The following UVRAG variants were observed in gnomAD, a reference collection of about 807,000 sequenced individuals.
UVRAG encodes UV radiation resistance-associated gene protein.
Under a neutral mutation model 78.0 loss-of-function variants are expected in UVRAG, and 19 were observed. That is an observed-to-expected ratio of 0.24 (90% confidence interval 0.17 to 0.36). The LOEUF is 0.36. Ranked by LOEUF, UVRAG falls within the 10% of genes least tolerant of loss-of-function variation. The pLI, the probability that UVRAG is intolerant of heterozygous loss-of-function variation, is 1.00. For missense variants in UVRAG, 740 were observed against 853.8 expected, an observed-to-expected ratio of 0.87 and a Z score of 1.66; for synonymous variants, 323 against 324.6, an observed-to-expected ratio of 1.00 and a Z score of 0.05.
chr11:75,832,426 A>G (rs1945679070), intron 1 of UVRAG, among the ~76,000 whole-genome samples: 1 of 152,154 alleles, frequency 6.6e-6, no homozygotes. Context: ...TCAAGAAAAC[A>G]TTTTATGTAT....
chr11:75,962,931 A>T (rs1948936326), intron 7 of UVRAG, among the ~76,000 whole-genome samples: 1 of 152,194 alleles, frequency 6.6e-6, no homozygotes. Flanking sequence ...GAGCAAGGTA[A>T]CAGAATGTGT....
chr11:75,932,265 CTTTAT>C (rs1948256341), intron 6 of UVRAG, among the ~76,000 whole-genome samples: 2 of 149,566 alleles, frequency 1.3e-5, no homozygotes, highest in South Asian at 4.3e-4. Flanking sequence ...ATTATATGAT[CTTTAT>C]TTATTTATTT....
intron 3 of UVRAG, among the ~76,000 whole-genome samples, chr11:75,877,552 C>G (rs1462205767): frequency 1.4e-5 from 2 of 138,446 alleles, no homozygotes; most frequent in African/African-American, 5.6e-5. Flanking sequence ...GCTGGCCGGG[C>G]GGGGGGCTGA....
chr11:75,882,358 C>T (rs1462067072), intron 4 of UVRAG, among the ~76,000 whole-genome samples: 1 of 151,848 alleles, frequency 6.6e-6, no homozygotes, highest in Non-Finnish European at 1.5e-5. Context: ...ACTAAAAATA[C>T]AAAAATTAAC....
At position 76,136,140 on chromosome 11, in the gene UVRAG, C is replaced by T. The variant is rs116421068; in HGVS notation, c.1398-4571C>T. 2.4e-3 allele frequency among the ~76,000 whole-genome samples: 368 copies of T among 152,238 alleles called. 3 individuals are homozygous for T. Among genetic ancestry groups the T allele is most frequent in the African/African-American group, 8.5e-3 (353 of 41,540 alleles). ...GAACTATTATTTGCCTTTTCAATTC[C>T]TCCCTTTCTCTCTTTAGGCAAGAGT... On this transcript the variant is annotated intron_variant, in intron 14 of 14. Coordinates refer to ENST00000356136, the MANE Select transcript of UVRAG (RefSeq NM_003369.4).
intron 14 of UVRAG, among the ~76,000 whole-genome samples, chr11:76,134,869 G>A (rs74902086): frequency 0.021 from 3,267 of 152,200 alleles, 42 homozygotes; most frequent in South Asian, 0.041. Flanking sequence ...CCAACCCCCG[G>A]GCCACAGACT....
At chr11:76,082,081 T>C (rs956424385) in intron 13 of UVRAG, among the ~76,000 whole-genome samples, 4 of 152,130 alleles carry the variant, frequency 2.6e-5, no homozygotes, top group Non-Finnish European at 5.9e-5. Flanking sequence ...GAGAAGGGGT[T>C]ATAATGAGAA....
At chr11:75,935,843 C>T (rs573259808) in intron 6 of UVRAG, among the ~76,000 whole-genome samples, 9 of 152,252 alleles carry the variant, frequency 5.9e-5, no homozygotes, top group African/African-American at 2.2e-4. Context: ...AGGACATTAA[C>T]CTTAACATGT....
intron 5 of UVRAG, among the ~76,000 whole-genome samples, chr11:75,910,734 A>T (rs955439898): frequency 6.6e-6 from 1 of 152,072 alleles, no homozygotes; most frequent in African/African-American, 2.4e-5. Context: ...TACTGAACTC[A>T]GTCTCCTCTG....
In UVRAG at chr11:76,089,873, A is replaced by C. The variant is rs1403013115; in HGVS notation, c.1305+24085A>C. Among the ~76,000 whole-genome samples, 3 of 152,120 alleles carry C rather than the reference A, an allele frequency of 2.0e-5. No individual in the cohort carries two copies. The East Asian group carries it at 5.8e-4, about 29-fold the overall frequency. On this transcript the variant is annotated intron_variant, in intron 13 of 14. Coordinates refer to ENST00000356136, the MANE Select transcript of UVRAG (RefSeq NM_003369.4). ...TCCCCCATTCTACCTGAGAAATAAAAATAAATTCCTAAGCCTCCCAACCAA... is the reference window on the plus strand; with the variant it reads ...TCCCCCATTCTACCTGAGAAATAAACATAAATTCCTAAGCCTCCCAACCAA...
At chr11:75,942,726 A>C (rs1948509952) in intron 6 of UVRAG, among the ~76,000 whole-genome samples, 1 of 152,158 alleles carries the variant, frequency 6.6e-6, no homozygotes, top group South Asian at 2.1e-4. Flanking sequence ...GAGGGGATAC[A>C]AAGGAAGAAG....
At chr11:76,108,217 A>G (rs190077890) in intron 13 of UVRAG, among the ~76,000 whole-genome samples, 1 of 152,288 alleles carries the variant, frequency 6.6e-6, no homozygotes, top group African/African-American at 2.4e-5. Context: ...TCTAAACTGC[A>G]TTTCTCCTGT....
intron 12 of UVRAG, among the ~76,000 whole-genome samples, chr11:76,030,655 T>G (rs904280751): frequency 6.6e-6 from 1 of 152,200 alleles, no homozygotes; most frequent in African/African-American, 2.4e-5. Context: ...CAGTATTTCC[T>G]ACCTTGATAC....
At chr11:75,937,379 G>T (rs141666446) in intron 6 of UVRAG, among the ~76,000 whole-genome samples, 18 of 152,144 alleles carry the variant, frequency 1.2e-4, no homozygotes, top group African/African-American at 4.3e-4. Context: ...ATTTATTTTC[G>T]TCTGGTATCA....
Position 76,143,428 on chromosome 11 carries a change from A to G in UVRAG, c.*2015A>G, listed in dbSNP as rs913455074. Among the ~76,000 whole-genome samples, 5 of 152,210 alleles carry G rather than the reference A, an allele frequency of 3.3e-5. No homozygotes were observed. Among genetic ancestry groups the G allele is most frequent in the Admixed American group, 6.5e-5 (1 of 15,284 alleles). On this transcript the variant is annotated 3_prime_UTR_variant, in exon 15 of 15. Coordinates refer to ENST00000356136, the MANE Select transcript of UVRAG (RefSeq NM_003369.4). ...GCCTGGACTCTGGGGTCTACCCGTCAGTGCCCCCCACCGCTGTGCAGACTC... is the reference window on the plus strand; with the variant it reads ...GCCTGGACTCTGGGGTCTACCCGTCGGTGCCCCCCACCGCTGTGCAGACTC...
At chr11:76,116,268 G>A (rs1279035901) in intron 14 of UVRAG, among the ~76,000 whole-genome samples, 1 of 152,186 alleles carries the variant, frequency 6.6e-6, no homozygotes, top group Non-Finnish European at 1.5e-5. Flanking sequence ...TGAGCAAGGA[G>A]CCCTTGAGGG....
chr11:75,966,378 A>C (rs1949022998), intron 7 of UVRAG, among the ~76,000 whole-genome samples: 2 of 152,282 alleles, frequency 1.3e-5, no homozygotes, highest in South Asian at 4.1e-4. Context: ...TTTTGGTAGT[A>C]GGATTATGGT....
chr11:75,831,210 C>T (rs549671150), intron 1 of UVRAG, among the ~76,000 whole-genome samples: 10 of 152,070 alleles, frequency 6.6e-5, no homozygotes, highest in African/African-American at 2.2e-4. Context: ...AGTGGGTGGC[C>T]GGGAACGGTG....
intron 8 of UVRAG, among the ~76,000 whole-genome samples, chr11:75,988,819 C>A (rs1379079851): frequency 1.3e-5 from 2 of 152,166 alleles, no homozygotes; most frequent in African/African-American, 4.8e-5. Flanking sequence ...ACTATTGTGG[C>A]TGAGCATCTT....
Sources: gnomAD v4.1 joint callset for allele counts (sites outside exome capture counted in the v4.1 genomes callset) on GRCh38, gnomAD v4.1.1 for gene constraint, MANE v1.5 for transcripts, NCBI Gene and HGNC (gene_info 2026-07-23, HGNC 2026-07-21) for gene names.